The following ATRNL1 variants were observed in gnomAD, a reference collection of about 807,000 sequenced individuals.
ATRNL1 encodes attractin like 1.
A neutral mutation model predicts 182.7 loss-of-function variants in ATRNL1; 95 were observed. The ratio of observed to expected loss-of-function variants is 0.52; its 90% CI spans 0.44 to 0.62. The LOEUF is 0.62. Ranked by LOEUF, ATRNL1 falls within the 20% of genes least tolerant of loss-of-function variation. ATRNL1 has a pLI of 0.00. For missense variants in ATRNL1, 1,471 were observed against 1,679.5 expected (o/e 0.88, Z 2.17); for synonymous variants, 576 against 568.3 (o/e 1.01, Z -0.19).
intron 26 of ATRNL1, among the ~76,000 whole-genome samples, chr10:115,632,851 G>C (rs1317971185): frequency 9.6e-6 from 1 of 103,912 alleles, no homozygotes; most frequent in African/African-American, 3.2e-5. Context: ...AAATTCTAGG[G>C]CCTCACATTA....
chr10:115,358,201 C>T (rs1856586637), intron 19 of ATRNL1, among the ~76,000 whole-genome samples: 2 of 151,716 alleles, frequency 1.3e-5, no homozygotes, highest in African/African-American at 4.8e-5. Flanking sequence ...AGACTCTCTC[C>T]ATTTACAATC....
intron 26 of ATRNL1, among the ~76,000 whole-genome samples, chr10:115,659,588 G>A (rs1200421625): frequency 3.3e-5 from 5 of 152,044 alleles, no homozygotes; most frequent in South Asian, 4.1e-4. Context: ...TTAATGTATT[G>A]TAATACAGTT....
chr10:115,402,497 A>T (rs1197715783), intron 20 of ATRNL1, among the ~76,000 whole-genome samples: 1 of 152,144 alleles, frequency 6.6e-6, no homozygotes, highest in Non-Finnish European at 1.5e-5. Context: ...AGCCAAAAAA[A>T]GTTTATTGTT....
intron 27 of ATRNL1, among the ~76,000 whole-genome samples, chr10:115,820,742 C>T (rs1950274520): frequency 6.6e-6 from 1 of 152,076 alleles, no homozygotes; most frequent in Admixed American, 6.6e-5. Flanking sequence ...GTCACACTGA[C>T]TTGGCTCTAT....
chr10:115,855,667 C>T (rs1459831734), intron 28 of ATRNL1, among the ~76,000 whole-genome samples: 7 of 152,160 alleles, frequency 4.6e-5, no homozygotes, highest in Admixed American at 4.6e-4. Flanking sequence ...TCACTTCAAG[C>T]CCATAACCTC....
chr10:115,729,527 G>GTGTGTGTGTGTGTGTGTA (rs1215381020), intron 27 of ATRNL1, among the ~76,000 whole-genome samples: 60 of 151,100 alleles, frequency 4.0e-4, no homozygotes, highest in African/African-American at 1.4e-3. Flanking sequence ...GTGTGTGTGT[G>GTGTGTGTGTGTGTGTGTA]TGTGTGTGTT....
chr10:115,947,625 G>A lies in ATRNL1; in HGVS notation c.*2846G>A, dbSNP rs1053277169. On this transcript the variant is annotated 3_prime_UTR_variant, in exon 29 of 29. Transcript: ENST00000355044. ...GAGATGCCGTATACTATAGTGTTAT[G>A]TTCAGTAGGAAAACTTCAAATAGTT... 4 of 152,728 alleles carry A rather than the reference G, an allele frequency of 2.6e-5. No individual in the cohort carries two copies. The highest frequency in any genetic ancestry group is 1.3e-4 in the Admixed American group (2 of 15,290). 9.5% of individuals were successfully genotyped at this position (152,728 alleles called of 1,614,324 possible). A position where few individuals can be genotyped will look rare whatever the true frequency, so the allele number is the denominator to read the frequency against.
intron 26 of ATRNL1, among the ~76,000 whole-genome samples, chr10:115,605,372 C>T (rs1856817939): frequency 6.6e-6 from 1 of 152,002 alleles, no homozygotes; most frequent in South Asian, 2.1e-4. Flanking sequence ...AATAAGCTTA[C>T]TTCTTGAGGA....
At chr10:115,459,593 G>T (rs1302408595) in intron 21 of ATRNL1, among the ~76,000 whole-genome samples, 1 of 152,110 alleles carries the variant, frequency 6.6e-6, no homozygotes, top group Non-Finnish European at 1.5e-5. Flanking sequence ...CCTGTCTCCT[G>T]ATAAGATGTT....
intron 5 of ATRNL1, among the ~76,000 whole-genome samples, chr10:115,156,299 A>C (rs563131576): frequency 6.6e-6 from 1 of 152,160 alleles, no homozygotes; most frequent in Non-Finnish European, 1.5e-5. Flanking sequence ...AATGGCACCA[A>C]AGTTTTTGCC....
intron 26 of ATRNL1, among the ~76,000 whole-genome samples, chr10:115,677,996 C>T (rs1415437733): frequency 6.6e-6 from 1 of 152,064 alleles, no homozygotes; most frequent in African/African-American, 2.4e-5. Flanking sequence ...ATGTTGAAAA[C>T]ATAGTGAAAC....
intron 28 of ATRNL1, among the ~76,000 whole-genome samples, chr10:115,893,743 A>G (rs782344316): frequency 2.6e-5 from 4 of 152,188 alleles, no homozygotes; most frequent in Non-Finnish European, 4.4e-5. Context: ...AAGGGCTAGC[A>G]AATGAGACAG....
At chr10:115,636,230 C>T (rs1858862601) in intron 26 of ATRNL1, among the ~76,000 whole-genome samples, 1 of 152,078 alleles carries the variant, frequency 6.6e-6, no homozygotes, top group South Asian at 2.1e-4. Flanking sequence ...ACCTTGGTAG[C>T]CTCTTTATCC....
At chr10:115,436,587 T>C (rs2134431330) in intron 21 of ATRNL1, among the ~76,000 whole-genome samples, 1 of 152,232 alleles carries the variant, frequency 6.6e-6, no homozygotes, top group Admixed American at 6.5e-5. Context: ...ATTTTCAGCA[T>C]GGATAGTACA....
intron 27 of ATRNL1, among the ~76,000 whole-genome samples, chr10:115,827,249 C>T (rs780419535): frequency 8.4e-4 from 128 of 152,172 alleles, no homozygotes; most frequent in Non-Finnish European, 1.5e-3. Context: ...AAACTGTAAA[C>T]AACTAAACCC....
chr10:115,677,726 A>T (rs1451634743), intron 26 of ATRNL1, among the ~76,000 whole-genome samples: 1 of 152,080 alleles, frequency 6.6e-6, no homozygotes, highest in African/African-American at 2.4e-5. Context: ...CTTTATCAGC[A>T]ACGTGAAAAC....
At chr10:115,709,907 T>C (rs1593103706) in intron 26 of ATRNL1, among the ~76,000 whole-genome samples, 1 of 152,044 alleles carries the variant, frequency 6.6e-6, no homozygotes, top group African/African-American at 2.4e-5. Flanking sequence ...CTTGTAATTC[T>C]GAGTTGTTCT....
intron 28 of ATRNL1, among the ~76,000 whole-genome samples, chr10:115,933,120 T>C (rs1953454468): frequency 1.3e-5 from 2 of 152,258 alleles, no homozygotes; most frequent in African/African-American, 4.8e-5. Context: ...TGAGTTATGC[T>C]TATGGTGGGA....
chr10:115,299,783 T>C (rs1238239559), intron 15 of ATRNL1, among the ~76,000 whole-genome samples: 1 of 152,296 alleles, frequency 6.6e-6, no homozygotes, highest in African/African-American at 2.4e-5. Flanking sequence ...CTGAGGTTCA[T>C]GAAGGCTAAA....
Sources: allele counts gnomAD v4.1 joint callset (sites outside exome capture counted in the v4.1 genomes callset), GRCh38; gene constraint gnomAD v4.1.1; transcripts MANE v1.5; gene names NCBI Gene and HGNC (gene_info 2026-07-23, HGNC 2026-07-21).